Variants in HSP90AA1 observed in about 807,000 individuals in gnomAD.
The protein encoded by HSP90AA1 is heat shock protein HSP 90-alpha.
A neutral mutation model predicts 73.3 loss-of-function variants in HSP90AA1; 18 were observed. That is an observed-to-expected ratio of 0.25 (90% confidence interval 0.17 to 0.36). HSP90AA1 has a LOEUF of 0.36. Ranked by LOEUF, HSP90AA1 falls within the 10% of genes least tolerant of loss-of-function variation. The probability of loss-of-function intolerance (pLI) is 1.00; values close to 1 mark genes in which losing one functional copy is unlikely to be tolerated. For synonymous variants in HSP90AA1, 477 were observed against 296.9 expected, an observed-to-expected ratio of 1.61 and a Z score of -6.24; for missense variants, 704 against 874.2, an observed-to-expected ratio of 0.81 and a Z score of 2.45.
chr14:102,100,689 T>C (rs1430922691), intron 2 of HSP90AA1, among the ~76,000 whole-genome samples: 1 of 152,236 alleles, frequency 6.6e-6, no homozygotes, highest in Non-Finnish European at 1.5e-5. Context: ...CCTCCCAAAC[T>C]GCTGGGATTA....
intron 1 of HSP90AA1, among the ~76,000 whole-genome samples, chr14:102,122,679 A>AT (rs1213321945): frequency 4.1e-5 from 6 of 146,660 alleles, no homozygotes; most frequent in Non-Finnish European, 9.1e-5. Flanking sequence ...TTTTATATAT[A>AT]TTTTTTGAGA....
chr14:102,095,842 C>A lies in HSP90AA1; in HGVS notation c.366+6033G>T, dbSNP rs1260362345. Among the ~76,000 whole-genome samples, 5 of 152,326 alleles carry A rather than the reference C, an allele frequency of 3.3e-5. No individual in the cohort carries two copies. In the East Asian group the frequency reaches 9.6e-4, roughly 29 times the overall value. ...TCAGGGCCCCACACCATTTCCACTT[C>A]CAGCTGGGTCTTGCTGGGTTTATCT... On this transcript the variant is annotated intron_variant, in intron 2 of 11. Coordinates refer to the HSP90AA1 transcript ENST00000334701.
At position 102,081,800 on chromosome 14, in the gene HSP90AA1, G is replaced by C; in HGVS notation, c.2111C>G (p.Thr704Ser). ...TACAGCAGCACTGGTATCATCAGCAGTAGGGTCATCTTCATCAATACCTGT... is the reference window on the plus strand; with the variant it reads ...TACAGCAGCACTGGTATCATCAGCACTAGGGTCATCTTCATCAATACCTGT... The part of the protein sequence containing the change: ...LGLGIDEDDP[T>S]ADDTSAAVTE... Residue 704 changes from threonine to serine, a missense_variant, in exon 11 of 11, where the codon ACT becomes AGT. Thr to Ser is a moderately conservative substitution (Grantham distance 58). Transcript: ENST00000216281. 1 of 1,556,910 alleles carries C rather than the reference G, an allele frequency of 6.4e-7. No homozygotes were observed. The highest frequency in any genetic ancestry group is 8.9e-7 in the Non-Finnish European group (1 of 1,127,914).
intron 3 of HSP90AA1, 151 bp downstream of exon 3, chr14:102,085,607 C>A: frequency 2.3e-6 from 3 of 1,296,184 alleles, no homozygotes; most frequent in Non-Finnish European, 3.3e-6. Flanking sequence ...CCCACCAAGT[C>A]ATGCCATTAC....
In HSP90AA1 at chr14:102,081,974, T is replaced by TA. The variant is rs547955162; in HGVS notation, c.2089+136dup. On this transcript the variant is annotated intron_variant, in intron 10 of 10. Transcript: ENST00000216281. ...GCTCTTGTAAGACCTTACTTATCCC[T>TA]AAAAAAAACATACTTTAATACCTCC... 342 of 777,762 alleles carry TA rather than the reference T, an allele frequency of 4.4e-4. 2 individuals are homozygous for TA. The highest frequency in any genetic ancestry group is 2.7e-3 in the South Asian group (185 of 68,852). 48.2% of individuals were successfully genotyped at this position (777,762 alleles called of 1,614,324 possible).
Position 102,081,828 on chromosome 14 carries a change from C to T in HSP90AA1, c.2090-7G>A, listed in dbSNP as rs901270082. ...GGGTCATCTTCATCAATACCTGTTT[C>T]CAAAATAAAATCCTCATATTACAAA... On this transcript the variant is annotated splice_polypyrimidine_tract_variant and splice_region_variant and intron_variant, in intron 10 of 10. Coordinates refer to ENST00000216281, the MANE Select transcript of HSP90AA1 (RefSeq NM_005348.4). 6 of 1,319,256 alleles carry T rather than the reference C, an allele frequency of 4.5e-6. No individual in the cohort carries two copies. Among genetic ancestry groups the T allele is most frequent in the African/African-American group, 1.5e-5 (1 of 68,786 alleles). The allele number at this position is 1,319,256 out of a possible 1,614,324, so 81.7% of individuals were successfully genotyped here. A position where few individuals can be genotyped will look rare whatever the true frequency, so the allele number is the denominator to read the frequency against.
intron 1 of HSP90AA1, among the ~76,000 whole-genome samples, chr14:102,118,614 T>C (rs2049737573): frequency 6.6e-6 from 1 of 152,122 alleles, no homozygotes; most frequent in Admixed American, 6.6e-5. Flanking sequence ...ATCCTATTTA[T>C]TGAACATTCA....
At chr14:102,088,502 C>T (rs1368574800), upstream of HSP90AA1, among the ~76,000 whole-genome samples, 1 of 152,358 alleles carries the variant, frequency 6.6e-6, no homozygotes, top group East Asian at 1.9e-4. Flanking sequence ...GTGAAATCAA[C>T]ATAAAGCGTC....
upstream of HSP90AA1, among the ~76,000 whole-genome samples, chr14:102,089,041 C>T (rs1179013069): frequency 6.6e-6 from 1 of 152,086 alleles, no homozygotes; most frequent in Non-Finnish European, 1.5e-5. Context: ...CTGCCTTAGC[C>T]TCCCGAGTAG....
chr14:102,087,333 A>C (rs955700863), upstream of HSP90AA1: 3 of 268,434 alleles, frequency 1.1e-5, no homozygotes, highest in Non-Finnish European at 1.7e-5. Context: ...AATTCTCGGG[A>C]AGGTCCGGGC....
At chr14:102,108,795 A>G (rs951395292) in intron 1 of HSP90AA1, among the ~76,000 whole-genome samples, 2 of 152,014 alleles carry the variant, frequency 1.3e-5, no homozygotes, top group African/African-American at 4.8e-5. Flanking sequence ...TCGGCCTCCC[A>G]AAGTGCTGGG....
chr14:102,081,536 G>A lies in HSP90AA1; in HGVS notation c.*176C>T. ...AAAAAGCATTACTAGCTCTGCTTTA[G>A]TGCCTAAGGTATCACAGCATCACTT... is the stretch of plus-strand genomic sequence containing the variant. On this transcript the variant is annotated 3_prime_UTR_variant, in exon 11 of 11. Coordinates refer to ENST00000216281, the MANE Select transcript of HSP90AA1 (RefSeq NM_005348.4). The A allele has an allele frequency of 3.2e-6, 2 of 620,544 alleles. No individual in the cohort carries two copies. The highest frequency in any genetic ancestry group is 2.7e-5 in the East Asian group (1 of 36,628). 38.4% of individuals were successfully genotyped at this position (620,544 alleles called of 1,614,324 possible).
upstream of HSP90AA1, among the ~76,000 whole-genome samples, chr14:102,087,561 C>G (rs537256838): frequency 6.6e-6 from 1 of 152,104 alleles, no homozygotes; most frequent in South Asian, 2.1e-4. Context: ...CCGGAGCCGT[C>G]GTCCTGACTG....
At position 102,085,644 on chromosome 14, in the gene HSP90AA1, T is replaced by G. The variant is rs768535290; in HGVS notation, c.529+114A>C. 1.5e-5 allele frequency: 23 copies of G among 1,516,038 alleles called. No homozygotes were observed. The African/African-American group carries it at 1.9e-4, about 13-fold the overall frequency. The allele number at this position is 1,516,038 out of a possible 1,614,324, so 93.9% of individuals were successfully genotyped here. ...CTAATTAAGTGCTCTAGCTTGTTCC[T>G]GATCGTTGGGCAAACACAAATTCTG... On this transcript the variant is annotated intron_variant, in intron 3 of 10. Coordinates refer to ENST00000216281, the MANE Select transcript of HSP90AA1 (RefSeq NM_005348.4).
chr14:102,104,867 A>G (rs1292864206), intron 1 of HSP90AA1, among the ~76,000 whole-genome samples: 1 of 151,756 alleles, frequency 6.6e-6, no homozygotes, highest in East Asian at 1.9e-4. Flanking sequence ...CACTTAACAT[A>G]ATGACCTCCC....
intron 2 of HSP90AA1, among the ~76,000 whole-genome samples, chr14:102,097,322 T>TTA (rs1555362788): frequency 1.4e-5 from 2 of 143,438 alleles, no homozygotes; most frequent in East Asian, 4.0e-4. Flanking sequence ...AATGGAGGGT[T>TTA]AAAAAAAAAA....
At position 102,085,796 on chromosome 14, in the gene HSP90AA1, G is replaced by A. The variant is rs1232032513; in HGVS notation, c.491C>T (p.Ser164Phe). The change falls in exon 3 of 11, where the codon TCC becomes TTC. Residue 164 changes from serine to phenylalanine, a missense_variant. Coordinates refer to ENST00000216281, the MANE Select transcript of HSP90AA1 (RefSeq NM_005348.4). Reference sequence around the variant, plus strand: ...CACTGTGAATGATCCCCCTGCTGAGGACTCCCAAGCGTACTGCTCATCATC... The same window carrying A: ...CACTGTGAATGATCCCCCTGCTGAGAACTCCCAAGCGTACTGCTCATCATC... Reference protein sequence around the residue: ...HNDDEQYAWESSAGGSFTVRT... With the variant: ...HNDDEQYAWEFSAGGSFTVRT... 6.2e-7 allele frequency: 1 copy of A among 1,613,918 alleles called. No individual in the cohort carries two copies. The highest frequency in any genetic ancestry group is 1.7e-5 in the Admixed American group (1 of 60,008).
chr14:102,096,290 C>T (rs1212186059), intron 2 of HSP90AA1, among the ~76,000 whole-genome samples: 1 of 152,192 alleles, frequency 6.6e-6, no homozygotes, highest in African/African-American at 2.4e-5. Context: ...TCCAGCCTCA[C>T]CTCCTCCGAG....
At chr14:102,088,523 T>C (rs1300726763), upstream of HSP90AA1, among the ~76,000 whole-genome samples, 1 of 152,174 alleles carries the variant, frequency 6.6e-6, no homozygotes, top group East Asian at 1.9e-4. Flanking sequence ...TTGCCTGGCA[T>C]TACAAAGCGG....
Sources: allele counts gnomAD v4.1 joint callset (sites outside exome capture counted in the v4.1 genomes callset), GRCh38; gene constraint gnomAD v4.1.1; transcripts MANE v1.5; gene names NCBI Gene and HGNC (gene_info 2026-07-23, HGNC 2026-07-21).